The following MOXD1 variants were observed in gnomAD, a reference collection of about 807,000 sequenced individuals.
MOXD1 encodes the protein monooxygenase DBH like 1.
MOXD1 carries 62 observed loss-of-function variants against 66.6 expected under a neutral mutation model. The observed-to-expected ratio is 0.93, with a 90% CI of 0.76 to 1.15. The LOEUF (loss-of-function observed/expected upper bound fraction) is 1.15, where lower values mean the gene tolerates loss of function less well. MOXD1 is among the 50% of genes most tolerant of loss of function. The probability of loss-of-function intolerance (pLI) is 0.00; values close to 1 mark genes in which losing one functional copy is unlikely to be tolerated. For missense variants in MOXD1, 847 were observed against 754.6 expected, an observed-to-expected ratio of 1.12 and a Z score of -1.44; for synonymous variants, 303 against 281.9, an observed-to-expected ratio of 1.07 and a Z score of -0.75.
At chr6:132,323,883 A>C in intron 7 of MOXD1, 48 bp downstream of exon 7, 1 of 1,495,216 alleles carries the variant, frequency 6.7e-7, no homozygotes, top group Non-Finnish European at 8.9e-7. Flanking sequence ...AGTTTCTAAG[A>C]GCATTGATGA....
intron 9 of MOXD1, among the ~76,000 whole-genome samples, chr6:132,317,910 T>C (rs763310896): frequency 6.6e-6 from 1 of 152,114 alleles, no homozygotes; most frequent in African/African-American, 2.4e-5. Context: ...AAACAATATA[T>C]TGTTTAATTT....
At chr6:132,327,599 G>A (rs1458143758) in intron 6 of MOXD1, among the ~76,000 whole-genome samples, 1 of 152,150 alleles carries the variant, frequency 6.6e-6, no homozygotes, top group Middle Eastern at 3.2e-3. Context: ...TCTATGGTTT[G>A]CTTACCACAC....
chr6:132,393,507 C>T (rs2114696385), intron 1 of MOXD1, among the ~76,000 whole-genome samples: 1 of 152,294 alleles, frequency 6.6e-6, no homozygotes, highest in Middle Eastern at 3.4e-3. Flanking sequence ...AAGTGAGAGA[C>T]ACCAAGTGGT....
intron 10 of MOXD1, among the ~76,000 whole-genome samples, chr6:132,309,450 G>A (rs185841102): frequency 2.7e-4 from 41 of 152,232 alleles, no homozygotes; most frequent in Non-Finnish European, 4.9e-4. Flanking sequence ...ACTGCCCAAC[G>A]TAATTTATAG....
intron 4 of MOXD1, among the ~76,000 whole-genome samples, chr6:132,330,981 G>A (rs1273257306): frequency 1.3e-5 from 2 of 152,110 alleles, no homozygotes; most frequent in South Asian, 2.1e-4. Flanking sequence ...CATTGCACAC[G>A]GTTTTGTTTG....
chr6:132,398,457 A>G (rs2114702905), intron 1 of MOXD1, among the ~76,000 whole-genome samples: 1 of 152,338 alleles, frequency 6.6e-6, no homozygotes, highest in Non-Finnish European at 1.5e-5. Context: ...GGTGACTAGG[A>G]TAGCAACTTA....
At chr6:132,322,938 A>G in intron 7 of MOXD1, 68 bp from the exon 8 acceptor site, 3 of 1,359,472 alleles carry the variant, frequency 2.2e-6, no homozygotes, top group Non-Finnish European at 3.0e-6. Context: ...TTACATTCAA[A>G]CACACTTGGA....
chr6:132,299,592 T>C (rs997502109), intron 10 of MOXD1, among the ~76,000 whole-genome samples: 1 of 152,006 alleles, frequency 6.6e-6, no homozygotes. Context: ...AAAAGTGAAG[T>C]GAAAAAGTGA....
Position 132,322,678 on chromosome 6 carries a change from C to T in MOXD1, c.1305+1G>A, listed in dbSNP as rs1775100371. Reference sequence around the variant, plus strand: ...ATGAAAAAGAACAAAAACATGCATACTGGTAAGATTGTTTGTTCTTCCTTT... The same window carrying T: ...ATGAAAAAGAACAAAAACATGCATATTGGTAAGATTGTTTGTTCTTCCTTT... On this transcript the variant is annotated splice_donor_variant, in intron 8 of 11. Coordinates refer to ENST00000367963, the MANE Select transcript of MOXD1 (RefSeq NM_015529.4). LOFTEE classifies it high-confidence loss of function. 1.9e-6 allele frequency: 3 copies of T among 1,611,368 alleles called. No individual in the cohort carries two copies. Among genetic ancestry groups the T allele is most frequent in the East Asian group, 2.2e-5 (1 of 44,848 alleles).
chr6:132,394,387 A>T (rs1438737672), intron 1 of MOXD1, among the ~76,000 whole-genome samples: 1 of 152,222 alleles, frequency 6.6e-6, no homozygotes, highest in African/African-American at 2.4e-5. Context: ...CAATGTAAGG[A>T]CACAAGAAGC....
intron 4 of MOXD1, among the ~76,000 whole-genome samples, chr6:132,354,359 T>C (rs1203127780): frequency 6.6e-6 from 1 of 152,214 alleles, no homozygotes; most frequent in Admixed American, 6.5e-5. Context: ...CTTAATATAG[T>C]ACTCTCCCCT....
intron 1 of MOXD1, among the ~76,000 whole-genome samples, chr6:132,385,720 G>A (rs1776616576): frequency 6.6e-6 from 1 of 151,932 alleles, no homozygotes; most frequent in Non-Finnish European, 1.5e-5. Flanking sequence ...TGGAACTCCT[G>A]ACCTCAAGCG....
At chr6:132,352,626 T>G (rs1170965584) in intron 4 of MOXD1, among the ~76,000 whole-genome samples, 1 of 152,204 alleles carries the variant, frequency 6.6e-6, no homozygotes, top group Non-Finnish European at 1.5e-5. Flanking sequence ...GGATGAAATG[T>G]TCTGTATATA....
chr6:132,380,100 C>T (rs1451871939), intron 1 of MOXD1, among the ~76,000 whole-genome samples: 3 of 152,108 alleles, frequency 2.0e-5, no homozygotes, highest in African/African-American at 7.2e-5. Flanking sequence ...CCACACATAG[C>T]CCCTGCTTCT....
At chr6:132,360,613 C>T (rs1333215876) in intron 4 of MOXD1, among the ~76,000 whole-genome samples, 2 of 152,188 alleles carry the variant, frequency 1.3e-5, no homozygotes, top group Non-Finnish European at 1.5e-5. Flanking sequence ...TTCTTCTTCT[C>T]CTTTACTGCC....
chr6:132,372,534 G>C (rs1776284287), intron 4 of MOXD1, 74 bp downstream of exon 4: 1 of 1,330,190 alleles, frequency 7.5e-7, no homozygotes, highest in Non-Finnish European at 1.1e-6. Flanking sequence ...TACTTTTACT[G>C]TTTTCATTAT....
At chr6:132,359,337 A>G (rs953926784) in intron 4 of MOXD1, among the ~76,000 whole-genome samples, 1 of 152,068 alleles carries the variant, frequency 6.6e-6, no homozygotes, top group Admixed American at 6.6e-5. Context: ...TCCTCCCAAG[A>G]TGCTGGGATG....
chr6:132,372,734 C>G (rs545457005), intron 3 of MOXD1, 43 bp from the exon 4 acceptor site: 31 of 1,607,650 alleles, frequency 1.9e-5, no homozygotes, highest in East Asian at 1.3e-4. Context: ...GTCACCTTCT[C>G]TTAACATGCT....
At chr6:132,395,980 C>T (rs1030956106) in intron 1 of MOXD1, among the ~76,000 whole-genome samples, 1 of 152,120 alleles carries the variant, frequency 6.6e-6, no homozygotes, top group South Asian at 2.1e-4. Context: ...TTAGACAGGT[C>T]ATCTAAACAG....
Sources: allele counts gnomAD v4.1 joint callset (sites outside exome capture counted in the v4.1 genomes callset), GRCh38; gene constraint gnomAD v4.1.1; transcripts MANE v1.5; gene names NCBI Gene and HGNC (gene_info 2026-07-23, HGNC 2026-07-21).